The following RGS7 variants were observed in gnomAD, a reference collection of about 807,000 sequenced individuals.
RGS7 encodes the protein regulator of G-protein signaling 7.
Under a neutral mutation model 81.1 loss-of-function variants are expected in RGS7, and 27 were observed. The ratio of observed to expected loss-of-function variants is 0.33; its 90% CI spans 0.25 to 0.46. RGS7 has a LOEUF of 0.46. RGS7 is among the 20% of genes least tolerant of loss of function. The pLI is 1.00. For synonymous variants in RGS7, 208 were observed against 207.7 expected (o/e 1.00, Z -0.01); for missense variants, 396 against 607.4 (o/e 0.65, Z 3.66).
intron 3 of RGS7, among the ~76,000 whole-genome samples, chr1:241,016,073 C>G (rs142773964): frequency 1.3e-5 from 2 of 152,132 alleles, no homozygotes; most frequent in Non-Finnish European, 2.9e-5. Context: ...AAATAATTAA[C>G]CTAGAATCTG....
At chr1:241,286,382 G>A (rs568650776) in intron 2 of RGS7, among the ~76,000 whole-genome samples, 2 of 152,206 alleles carry the variant, frequency 1.3e-5, no homozygotes, top group African/African-American at 4.8e-5. Context: ...TCTGATAAAG[G>A]GATGAGAGAT....
chr1:240,798,952 T>G (rs1278979710), intron 18 of RGS7, among the ~76,000 whole-genome samples: 3 of 152,194 alleles, frequency 2.0e-5, no homozygotes, highest in African/African-American at 7.2e-5. Flanking sequence ...TAAGTCTATC[T>G]GATTATAATA....
chr1:240,944,799 C>A (rs191353745), intron 4 of RGS7, among the ~76,000 whole-genome samples: 1 of 152,290 alleles, frequency 6.6e-6, no homozygotes, highest in East Asian at 1.9e-4. Context: ...CTGCAACCTC[C>A]GCCTTCCAGG....
At chr1:240,893,196 C>G (rs1007561632) in intron 6 of RGS7, among the ~76,000 whole-genome samples, 1 of 152,138 alleles carries the variant, frequency 6.6e-6, no homozygotes, top group Non-Finnish European at 1.5e-5. Context: ...CTTTCCTAAA[C>G]TGGCAATACG....
intron 3 of RGS7, among the ~76,000 whole-genome samples, chr1:241,027,575 G>A (rs984428407): frequency 2.0e-5 from 3 of 152,028 alleles, no homozygotes; most frequent in African/African-American, 4.8e-5. Flanking sequence ...TTAGCCTAGC[G>A]TGATGAAAAG....
intron 2 of RGS7, among the ~76,000 whole-genome samples, chr1:241,185,946 C>A (rs1247082980): frequency 6.6e-6 from 1 of 151,850 alleles, no homozygotes; most frequent in Non-Finnish European, 1.5e-5. Flanking sequence ...CCAAAACAAA[C>A]AGAAGGAAAG....
intron 7 of RGS7, among the ~76,000 whole-genome samples, 178 bp downstream of exon 7, chr1:240,869,877 T>A (rs1366154066): frequency 6.6e-6 from 1 of 152,070 alleles, no homozygotes; most frequent in Non-Finnish European, 1.5e-5. Context: ...GAGGCAGAGG[T>A]TGCAGTGAGC....
At chr1:241,065,208 GAT>G (rs34863622) in intron 3 of RGS7, among the ~76,000 whole-genome samples, 94,443 of 144,838 alleles carry the variant, frequency 0.65, 30,808 homozygotes, top group East Asian at 0.84. Flanking sequence ...ATATCATAGA[GAT>G]ATATATATAT....
At chr1:241,174,161 A>G (rs4660037) in intron 2 of RGS7, among the ~76,000 whole-genome samples, 40,014 of 152,162 alleles carry the variant, frequency 0.26, 5,473 homozygotes, top group East Asian at 0.36. Context: ...CTTTTTCATG[A>G]ATAGGTTGAA....
intron 9 of RGS7, among the ~76,000 whole-genome samples, chr1:240,861,337 C>T (rs2147983479): frequency 6.6e-6 from 1 of 152,204 alleles, no homozygotes. Context: ...GAATGCTTGG[C>T]ATGCATTCAA....
intron 4 of RGS7, among the ~76,000 whole-genome samples, chr1:240,958,339 T>C (rs1225234830): frequency 1.3e-5 from 2 of 152,206 alleles, no homozygotes; most frequent in East Asian, 3.8e-4. Flanking sequence ...GGTTAGAGTT[T>C]GTTCTTTAGG....
chr1:241,251,042 A>G lies in RGS7; in HGVS notation c.78+104657T>C, dbSNP rs536388778. Among the ~76,000 whole-genome samples the G allele has an allele frequency of 5.9e-5, 9 of 152,382 alleles. No individual in the cohort carries two copies. In the South Asian group the frequency reaches 8.3e-4, roughly 14 times the overall value. The stretch of plus-strand genomic sequence containing the variant: ...GTTGATCCCAAATAAAAACAGGTCA[A>G]AGCCATCTTTCACGGCATATTTTCA... On this transcript the variant is annotated intron_variant, in intron 2 of 18. Coordinates refer to ENST00000440928, the MANE Select transcript of RGS7 (RefSeq NM_001364886.1).
intron 2 of RGS7, among the ~76,000 whole-genome samples, chr1:241,332,546 C>T (rs563273560): frequency 2.8e-4 from 43 of 152,224 alleles, no homozygotes; most frequent in African/African-American, 9.6e-4. Context: ...TTCTGGCATG[C>T]GGGAGAGGGA....
chr1:241,149,365 C>T (rs930695925), intron 2 of RGS7, among the ~76,000 whole-genome samples: 2 of 152,072 alleles, frequency 1.3e-5, no homozygotes, highest in Admixed American at 6.6e-5. Context: ...TTTGTAGAGA[C>T]GGGCTGGTCT....
At chr1:241,065,014 T>G (rs1485374258) in intron 3 of RGS7, among the ~76,000 whole-genome samples, 1 of 152,078 alleles carries the variant, frequency 6.6e-6, no homozygotes, top group Non-Finnish European at 1.5e-5. Flanking sequence ...AGCTGCCTCA[T>G]CATTGTATTT....
intron 9 of RGS7, among the ~76,000 whole-genome samples, chr1:240,855,499 C>T (rs1247059266): frequency 6.6e-6 from 1 of 151,220 alleles, no homozygotes; most frequent in Non-Finnish European, 1.5e-5. Flanking sequence ...GGCATGGTCA[C>T]GGCTCACTGT....
At chr1:241,039,813 A>T (rs1458283681) in intron 3 of RGS7, among the ~76,000 whole-genome samples, 1 of 145,898 alleles carries the variant, frequency 6.9e-6, no homozygotes, top group Admixed American at 6.7e-5. Flanking sequence ...ACATGGAAGG[A>T]TGTTTGATCT....
At chr1:241,106,062 T>A (rs1355723847) in intron 2 of RGS7, among the ~76,000 whole-genome samples, 1 of 152,224 alleles carries the variant, frequency 6.6e-6, no homozygotes, top group Non-Finnish European at 1.5e-5. Flanking sequence ...CCTATAACTC[T>A]TTTTACTTCA....
intron 3 of RGS7, among the ~76,000 whole-genome samples, chr1:240,987,518 T>C (rs1488516337): frequency 2.0e-5 from 3 of 151,792 alleles, no homozygotes; most frequent in Non-Finnish European, 4.4e-5. Flanking sequence ...TTTGATGTTA[T>C]AACTATTCTT....
Sources: allele counts gnomAD v4.1 joint callset (sites outside exome capture counted in the v4.1 genomes callset), GRCh38; gene constraint gnomAD v4.1.1; transcripts MANE v1.5; gene names NCBI Gene and HGNC (gene_info 2026-07-23, HGNC 2026-07-21).